Variants in PLEKHA8 observed in about 807,000 individuals in gnomAD.
The protein encoded by PLEKHA8 is pleckstrin homology domain-containing family A member 8.
In PLEKHA8, 36 loss-of-function variants were observed where a neutral mutation model predicts 68.2. The observed-to-expected ratio is 0.53, with a 90% CI of 0.40 to 0.70. PLEKHA8 has a LOEUF of 0.70. Ranked by LOEUF, PLEKHA8 falls within the 30% of genes least tolerant of loss-of-function variation. The probability of loss-of-function intolerance (pLI) is 0.00; values close to 1 mark genes in which losing one functional copy is unlikely to be tolerated. For missense variants in PLEKHA8, 505 were observed against 615.4 expected (o/e 0.82, Z 1.90); for synonymous variants, 211 against 216.1 (o/e 0.98, Z 0.20).
intron 13 of PLEKHA8, among the ~76,000 whole-genome samples, chr7:30,078,152 A>C (rs1033633018): frequency 1.3e-5 from 2 of 152,180 alleles, no homozygotes; most frequent in Non-Finnish European, 2.9e-5. Context: ...GAAGATACGC[A>C]AAGAAATATA....
chr7:30,083,803 G>C lies in PLEKHA8; in HGVS notation c.*5016G>C, dbSNP rs941471173. 4 of 985,158 alleles carry C rather than the reference G, an allele frequency of 4.1e-6. No homozygotes were observed. In the African/African-American group the frequency reaches 7.0e-5, roughly 17 times the overall value. The allele number at this position is 985,158 out of a possible 1,614,324, so 61.0% of individuals were successfully genotyped here. A position where few individuals can be genotyped will look rare whatever the true frequency, so the allele number is the denominator to read the frequency against. ...TAAATAGTTCATATATTTAAAGTGT[G>C]GTCAGTATTTCCTCCCTGTACCTTA... On this transcript the variant is annotated 3_prime_UTR_variant, in exon 14 of 14. Transcript: ENST00000449726.
At chr7:30,049,669 G>A (rs1323790305) in intron 5 of PLEKHA8, among the ~76,000 whole-genome samples, 2 of 152,236 alleles carry the variant, frequency 1.3e-5, no homozygotes, top group East Asian at 3.9e-4. Context: ...GTTGCTTTCA[G>A]CCTGACCCTT....
intron 5 of PLEKHA8, among the ~76,000 whole-genome samples, chr7:30,049,881 C>T (rs1792270568): frequency 6.6e-6 from 1 of 152,188 alleles, no homozygotes; most frequent in African/African-American, 2.4e-5. Context: ...GTGCCGTTTT[C>T]CAGTGCCAGG....
intron 13 of PLEKHA8, chr7:30,115,936 A>ACATGCACACATACGCATACATG (rs1478065435): frequency 9.1e-6 from 1 of 110,222 alleles, no homozygotes; most frequent in Non-Finnish European, 2.0e-5. Context: ...ATACATGTAT[A>ACATGCACACATACGCATACATG]CATGCACACA....
chr7:30,080,030 G>T lies in PLEKHA8; in HGVS notation c.*1243G>T. ...ATTGACACCCAGCCAGCAGGCCTTT[G>T]CATTGCATTCGGGGACCATGACTCT... On this transcript the variant is annotated 3_prime_UTR_variant, in exon 14 of 14. Transcript: ENST00000449726. The T allele has an allele frequency of 2.0e-6, 2 of 985,136 alleles. No individual in the cohort carries two copies. Among genetic ancestry groups the T allele is most frequent in the Non-Finnish European group, 2.4e-6 (2 of 829,894 alleles). 61.0% of individuals were successfully genotyped at this position (985,136 alleles called of 1,614,324 possible).
chr7:30,048,484 T>C (rs1314926803), intron 4 of PLEKHA8, among the ~76,000 whole-genome samples: 2 of 152,226 alleles, frequency 1.3e-5, no homozygotes, highest in Non-Finnish European at 2.9e-5. Flanking sequence ...GAGACACAGC[T>C]TTTTTTCTCT....
At chr7:30,110,671 C>T (rs1348422592) in intron 13 of PLEKHA8, among the ~76,000 whole-genome samples, 2 of 152,174 alleles carry the variant, frequency 1.3e-5, no homozygotes, top group Non-Finnish European at 2.9e-5. Flanking sequence ...TCTTTACATC[C>T]CCATCAACGC....
In PLEKHA8 at chr7:30,082,302, G is replaced by A. The variant is rs540597669; in HGVS notation, c.*3515G>A. On this transcript the variant is annotated 3_prime_UTR_variant, in exon 14 of 14. Transcript: ENST00000449726. Reference sequence around the variant, plus strand: ...GCTACTGAAAATTGCCAGCAGTACCGCCATCAGCACACCAAATCTACCCCC... The same window carrying A: ...GCTACTGAAAATTGCCAGCAGTACCACCATCAGCACACCAAATCTACCCCC... 7 of 985,428 alleles carry A rather than the reference G, an allele frequency of 7.1e-6. No homozygotes were observed. The highest frequency in any genetic ancestry group is 1.1e-4 in the East Asian group (1 of 8,800). 61.0% of individuals were successfully genotyped at this position (985,428 alleles called of 1,614,324 possible). A position where few individuals can be genotyped will look rare whatever the true frequency, so the allele number is the denominator to read the frequency against.
chr7:30,071,410 C>G (rs923034937), intron 12 of PLEKHA8, among the ~76,000 whole-genome samples: 10 of 152,228 alleles, frequency 6.6e-5, no homozygotes, highest in African/African-American at 2.4e-4. Context: ...GCTCTCTACC[C>G]TACCCAGCCT....
intron 3 of PLEKHA8, among the ~76,000 whole-genome samples, chr7:30,047,599 G>C (rs1280768720): frequency 6.6e-6 from 1 of 152,116 alleles, no homozygotes; most frequent in East Asian, 1.9e-4. Context: ...TCGGTATATT[G>C]CCTTAATAAA....
chr7:30,061,966 G>A lies in PLEKHA8; in HGVS notation c.1168G>A (p.Val390Met). The A allele has an allele frequency of 6.2e-7, 1 of 1,614,128 alleles. No individual in the cohort carries two copies. The highest frequency in any genetic ancestry group is 1.7e-4 in the Middle Eastern group (1 of 6,060). The change falls in exon 11 of 14, where the codon GTG becomes ATG. Residue 390 changes from valine (V) to methionine (M), a missense_variant. Val to Met is a conservative substitution (Grantham distance 21). Transcript: ENST00000449726. ...TCTCCAGAAGATAGTGCTGCACGAA[G>A]TGGAGGCGGATGTAGCCCAGGTTAG... ...TTLQKIVLHE[V>M]EADVAQVRNS...
intron 13 of PLEKHA8, among the ~76,000 whole-genome samples, chr7:30,119,355 G>A (rs1796658018): frequency 6.6e-6 from 1 of 152,154 alleles, no homozygotes; most frequent in African/African-American, 2.4e-5. Context: ...GATGCATGCG[G>A]AGGTTAAATC....
Position 30,074,031 on chromosome 7 carries a change from T to A in PLEKHA8, c.1301-40T>A, listed in dbSNP as rs777545508. On this transcript the variant is annotated intron_variant, in intron 12 of 13. Coordinates refer to ENST00000449726, the MANE Select transcript of PLEKHA8 (RefSeq NM_001197026.2). ...ATTATACAAATAGCACATCAAATTC[T>A]GATGAAAGTGTTCCTCATGGAGTTT... 2.6e-6 allele frequency: 4 copies of A among 1,545,216 alleles called. No individual in the cohort carries two copies. In the South Asian group the frequency reaches 3.5e-5, roughly 13 times the overall value.
chr7:30,129,911 G>C (rs1477288895), downstream of PLEKHA8: 2 of 154,090 alleles, frequency 1.3e-5, no homozygotes, highest in Non-Finnish European at 2.9e-5. Context: ...CTTTCCATCA[G>C]CCAGTTTCCC....
At position 30,079,550 on chromosome 7, in the gene PLEKHA8, A is replaced by G; in HGVS notation, c.*763A>G. 1.1e-6 allele frequency: 1 copy of G among 922,934 alleles called. No individual in the cohort carries two copies. The highest frequency in any genetic ancestry group is 1.8e-5 in the African/African-American group (1 of 55,928). The allele number at this position is 922,934 out of a possible 1,614,324, so 57.2% of individuals were successfully genotyped here. A position where few individuals can be genotyped will look rare whatever the true frequency, so the allele number is the denominator to read the frequency against. ...GTTCCCCATGCATTATCTCAATTGG[A>G]CATCACAAGTAATGATACCCAGAGG... On this transcript the variant is annotated 3_prime_UTR_variant, in exon 14 of 14. Coordinates refer to ENST00000449726, the MANE Select transcript of PLEKHA8 (RefSeq NM_001197026.2).
intron 6 of PLEKHA8, among the ~76,000 whole-genome samples, chr7:30,050,976 T>C (rs913402194): frequency 2.0e-5 from 3 of 152,192 alleles, no homozygotes; most frequent in Admixed American, 6.5e-5. Context: ...GCTAAATTAC[T>C]ATAGCCTCAA....
At position 30,074,677 on chromosome 7, in the gene PLEKHA8, A is replaced by AT. The variant is rs555242283; in HGVS notation, c.1362+554dup. On this transcript the variant is annotated intron_variant, in intron 13 of 13. Transcript: ENST00000449726. ...CCTTTTAATTCTTAGGTCTTAGTTG[A>AT]TTTTTTTTTCACTAATTGAATTTTG... 6.3e-4 allele frequency among the ~76,000 whole-genome samples: 95 copies of AT among 150,954 alleles called. 1 individual carries two copies. The highest frequency in any genetic ancestry group is 6.8e-3 in the Middle Eastern group (2 of 292).
chr7:30,049,318 C>T lies in PLEKHA8; in HGVS notation c.533C>T (p.Thr178Ile). 2 of 1,614,144 alleles carry T rather than the reference C, an allele frequency of 1.2e-6. No individual in the cohort carries two copies. Among genetic ancestry groups the T allele is most frequent in the Admixed American group, 1.7e-5 (1 of 60,028 alleles). The change falls in exon 5 of 14, where the codon ACC becomes ATC. Residue 178 changes from threonine to isoleucine, a missense_variant. Transcript: ENST00000449726. ...ECMQIANAAF[T>I]SELLYRTPPG... ...ATGCAGATCGCAAATGCAGCCTTCACCTCTGAGCTGCTCTACCGCACTCCA... is the reference window on the plus strand; with the variant it reads ...ATGCAGATCGCAAATGCAGCCTTCATCTCTGAGCTGCTCTACCGCACTCCA...
chr7:30,110,910 G>GT (rs563375100), intron 13 of PLEKHA8, among the ~76,000 whole-genome samples: 1,639 of 136,846 alleles, frequency 0.012, 12 homozygotes, highest in Non-Finnish European at 0.016. Context: ...TTTTGAGGTT[G>GT]TTTTTTTTTT....
Sources: gnomAD v4.1 joint callset for allele counts (sites outside exome capture counted in the v4.1 genomes callset) on GRCh38, gnomAD v4.1.1 for gene constraint, MANE v1.5 for transcripts, NCBI Gene and HGNC (gene_info 2026-07-23, HGNC 2026-07-21) for gene names.